The following PRAMEF4 variants were observed in gnomAD, a reference collection of about 807,000 sequenced individuals.
PRAMEF4 encodes the protein PRAME family member 4.
Under a neutral mutation model 34.4 loss-of-function variants are expected in PRAMEF4, and 18 were observed. That is an observed-to-expected ratio of 0.52 (90% CI 0.36 to 0.78). The LOEUF is 0.78. Ranked by LOEUF, PRAMEF4 falls within the 30% of genes least tolerant of loss-of-function variation. The pLI is 0.00. For synonymous variants in PRAMEF4, 156 were observed against 219.3 expected, an observed-to-expected ratio of 0.71 and a Z score of 2.55; for missense variants, 482 against 569.1, an observed-to-expected ratio of 0.85 and a Z score of 1.56.
chr1:12,882,255 C>G lies in PRAMEF4; in HGVS notation c.474G>C (p.Lys158Asn). The G allele has an allele frequency of 6.4e-7, 1 of 1,570,996 alleles. No individual in the cohort carries two copies. The highest frequency in any genetic ancestry group is 8.6e-7 in the Non-Finnish European group (1 of 1,156,790). ...PLTVFVELWL[K>N]NRTLDEYLTC... is the part of the protein sequence containing the mutation. ...TGAGGTATTCATCCAGAGTCCTGTT[C>G]TTGAGCCAAAGTTCTACGAACACAG... The change falls in exon 3 of 4, where the codon AAG becomes AAC. Residue 158 changes from lysine to asparagine, a missense_variant. Physicochemically the swap from Lys to Asn is moderately conservative, Grantham distance 94. Transcript: ENST00000235349.
chr1:12,881,499 A>C (rs2100421157), intron 3 of PRAMEF4, among the ~76,000 whole-genome samples: 1 of 148,684 alleles, frequency 6.7e-6, no homozygotes, highest in Admixed American at 6.9e-5. Flanking sequence ...CCAAAGTGAT[A>C]GGATTACAGG....
At chr1:12,883,521 A>G (rs1162648134) in intron 1 of PRAMEF4, 111 bp from the exon 2 acceptor site, 1 of 1,387,746 alleles carries the variant, frequency 7.2e-7, no homozygotes, top group African/African-American at 1.5e-5. Context: ...AAGAGTCCTC[A>G]GTTTACTCCA....
At position 12,885,137 on chromosome 1, in the gene PRAMEF4, T is replaced by C. The variant is rs568982610; in HGVS notation, c.-17+1010A>G. ...GATCACCTGGGTCATATAATTGTTTTTGGTGCTGAGGGAGCTGAGTCTCAC... is the reference window on the plus strand; with the variant it reads ...GATCACCTGGGTCATATAATTGTTTCTGGTGCTGAGGGAGCTGAGTCTCAC... On this transcript the variant is annotated intron_variant, in intron 1 of 3. Transcript: ENST00000235349. Among the ~76,000 whole-genome samples the C allele has an allele frequency of 3.7e-3, 555 of 150,846 alleles. 5 individuals carry two copies. The highest frequency in any genetic ancestry group is 0.013 in the African/African-American group (530 of 40,976).
chr1:12,885,253 C>T (rs1290931122), intron 1 of PRAMEF4, among the ~76,000 whole-genome samples: 1 of 150,080 alleles, frequency 6.7e-6, no homozygotes, highest in African/African-American at 2.5e-5. Context: ...CTTCAGCCTT[C>T]CACATAGCTG....
Position 12,883,363 on chromosome 1 carries a change from A to C in PRAMEF4, c.32T>G (p.Leu11Arg). The C allele has an allele frequency of 6.2e-7, 1 of 1,600,814 alleles. No individual in the cohort carries two copies. Among genetic ancestry groups the C allele is most frequent in the Non-Finnish European group, 8.5e-7 (1 of 1,173,730 alleles). MKMSIWTPPRLLELAGRSLLR... is the reference protein window; with the variant it reads MKMSIWTPPRRLELAGRSLLR... ...CAGGCTCCGCCCTGCAAGCTCCAGG[A>C]GTCTGGGTGGAGTCCAGATGCTCAT... is the stretch of plus-strand genomic sequence containing the variant. The change falls in exon 2 of 4, where the codon CTC becomes CGC. Residue 11 changes from leucine (L) to arginine (R), a missense_variant. Transcript: ENST00000235349.
At chr1:12,885,844 C>T (rs1400858942) in intron 1 of PRAMEF4, among the ~76,000 whole-genome samples, 1 of 140,402 alleles carries the variant, frequency 7.1e-6, no homozygotes, top group Non-Finnish European at 1.5e-5. Context: ...CCAGGTTGGT[C>T]TCAAATCCCT....
intron 3 of PRAMEF4, among the ~76,000 whole-genome samples, chr1:12,881,265 C>A (rs12130843): frequency 0.11 from 15,940 of 147,714 alleles, 1,556 homozygotes; most frequent in Non-Finnish European, 0.11. Flanking sequence ...ACTCAGGAGG[C>A]TGAGGCAGGA....
chr1:12,881,401 T>G (rs1314426018), intron 3 of PRAMEF4, among the ~76,000 whole-genome samples: 1 of 149,070 alleles, frequency 6.7e-6, no homozygotes, highest in Middle Eastern at 3.2e-3. Context: ...TTTTTACTTT[T>G]GTTTATTCAT....
intron 3 of PRAMEF4, among the ~76,000 whole-genome samples, chr1:12,881,532 A>G (rs1488066535): frequency 6.8e-6 from 1 of 147,426 alleles, no homozygotes; most frequent in Admixed American, 7.0e-5. Context: ...CCCCTGGCGT[A>G]TTTTTCATCA....
chr1:12,879,393 C>G lies in PRAMEF4; in HGVS notation c.*151G>C. ...GGCAACATTTCCCCCAAGTCCGGCC[C>G]CTGCTTGATCAGCTTTCCTTTCCCA... On this transcript the variant is annotated 3_prime_UTR_variant, in exon 4 of 4. Transcript: ENST00000235349. 1 of 666,234 alleles carries G rather than the reference C, an allele frequency of 1.5e-6. No homozygotes were observed. Among genetic ancestry groups the G allele is most frequent in the Non-Finnish European group, 2.5e-6 (1 of 402,926 alleles). The allele number at this position is 666,234 out of a possible 1,614,324, so 41.3% of individuals were successfully genotyped here.
rs533154368 is a variant in PRAMEF4 at position 12,884,742 on chromosome 1, C to A, written c.-16-1332G>T. 2.8e-4 allele frequency among the ~76,000 whole-genome samples: 42 copies of A among 148,964 alleles called. 1 individual carries two copies. The highest frequency in any genetic ancestry group is 1.1e-3 in the South Asian group (5 of 4,616). ...ACAGAGAGAGCTACATTTGACTAGA[C>A]TTCTTAATCTCTACCCAGTTAATCC... On this transcript the variant is annotated intron_variant, in intron 1 of 3. Coordinates refer to ENST00000235349, the MANE Select transcript of PRAMEF4 (RefSeq NM_001009611.4).
intron 3 of PRAMEF4, among the ~76,000 whole-genome samples, chr1:12,881,078 C>G (rs1156363825): frequency 6.7e-6 from 1 of 148,286 alleles, no homozygotes; most frequent in Non-Finnish European, 1.5e-5. Flanking sequence ...TAAAAATTAT[C>G]TTGTTGGCTG....
rs754089525 is a variant in PRAMEF4, at chr1:12,880,087, T to A, written c.894A>T (p.Leu298Phe). Reference sequence around the variant, plus strand: ...CACAGTTAGTTATTGTGAGGAACTTTAACGAGGTCTTCAGACAGCTGGGGA... The same window carrying A: ...CACAGTTAGTTATTGTGAGGAACTTAAACGAGGTCTTCAGACAGCTGGGGA... ...DQLLSCLKTS[L>F]KFLTITNCVL... The change falls in exon 4 of 4, where the codon TTA (leucine) becomes TTT (phenylalanine). Residue 298 changes from leucine (L) to phenylalanine (F), a missense_variant. Physicochemically the swap from Leu to Phe is conservative, Grantham distance 22. Around this residue, in one of 6 missense-constraint regions of PRAMEF4, gnomAD observed 35 missense variants for 109.2 expected, o/e 0.32. Transcript: ENST00000235349. 1.7e-4 allele frequency: 257 copies of A among 1,526,934 alleles called. 45 individuals are homozygous for A. The highest frequency in any genetic ancestry group is 2.1e-4 in the Non-Finnish European group (229 of 1,113,242). 94.6% of individuals were successfully genotyped at this position (1,526,934 alleles called of 1,614,324 possible). A position where few individuals can be genotyped will look rare whatever the true frequency, so the allele number is the denominator to read the frequency against.
At chr1:12,884,415 T>C (rs1358278202) in intron 1 of PRAMEF4, among the ~76,000 whole-genome samples, 1 of 149,750 alleles carries the variant, frequency 6.7e-6, no homozygotes, top group East Asian at 1.9e-4. Flanking sequence ...GTTACACATG[T>C]TCAAACTGAA....
Position 12,883,174 on chromosome 1 carries a change from A to T in PRAMEF4, c.221T>A (p.Met74Lys). Residue 74 changes from methionine to lysine, a missense_variant, in exon 2 of 4, where the codon ATG becomes AAG. Met to Lys is a moderately conservative substitution (Grantham distance 95, BLOSUM62 -1). Transcript: ENST00000235349. ...AGCTTGGAAGGCCTCCAGACAAGGC[A>T]TCTTTATCAGAGGCCTCAGAGGGAG... ...RRLPLRPLIK[M>K]PCLEAFQAVL... 6.2e-7 allele frequency: 1 copy of T among 1,601,122 alleles called. No individual in the cohort carries two copies. The highest frequency in any genetic ancestry group is 1.8e-4 in the Middle Eastern group (1 of 5,552).
At chr1:12,880,782 G>A (rs1287914602) in intron 3 of PRAMEF4, among the ~76,000 whole-genome samples, 11,996 of 140,900 alleles carry the variant, frequency 0.085, 739 homozygotes, top group Non-Finnish European at 0.093. Context: ...CAGCTACGGT[G>A]GGCGGGCTGC....
At chr1:12,885,880 G>A (rs954345473) in intron 1 of PRAMEF4, among the ~76,000 whole-genome samples, 2 of 129,098 alleles carry the variant, frequency 1.5e-5, no homozygotes, top group Non-Finnish European at 3.2e-5. Flanking sequence ...TCCCACTTTG[G>A]CCTCCCGAAG....
Position 12,883,454 on chromosome 1 carries a change from A to T in PRAMEF4, c.-16-44T>A. The T allele has an allele frequency of 3.1e-6, 5 of 1,597,260 alleles. 1 individual carries two copies. The highest frequency in any genetic ancestry group is 4.3e-6 in the Non-Finnish European group (5 of 1,172,662). Reference sequence around the variant, plus strand: ...AGAGAAAAGGCATCTCTCTCGGGCCAAGCCCATGCAATCTCATCCTCTCCT... The same window carrying T: ...AGAGAAAAGGCATCTCTCTCGGGCCTAGCCCATGCAATCTCATCCTCTCCT... On this transcript the variant is annotated intron_variant, in intron 1 of 3. Coordinates refer to ENST00000235349, the MANE Select transcript of PRAMEF4 (RefSeq NM_001009611.4).
chr1:12,886,066 A>G lies in PRAMEF4; in HGVS notation c.-17+81T>C, dbSNP rs796343415. The stretch of plus-strand genomic sequence containing the variant: ...AAAGGACAGGATATAGCTCTGTGCC[A>G]TCGTAGGCTGCACTGTCACCATCCC... On this transcript the variant is annotated intron_variant, in intron 1 of 3. Coordinates refer to ENST00000235349, the MANE Select transcript of PRAMEF4 (RefSeq NM_001009611.4). 3 of 131,620 alleles carry G rather than the reference A, an allele frequency of 2.3e-5. 1 individual carries two copies. Among genetic ancestry groups the G allele is most frequent in the Non-Finnish European group, 4.7e-5 (3 of 63,194 alleles). 8.2% of individuals were successfully genotyped at this position (131,620 alleles called of 1,614,324 possible). A position where few individuals can be genotyped will look rare whatever the true frequency, so the allele number is the denominator to read the frequency against.
Sources: gnomAD v4.1 joint callset for allele counts (sites outside exome capture counted in the v4.1 genomes callset) on GRCh38, gnomAD v4.1.1 for gene constraint, gnomAD v4.1.1 regional missense constraint, MANE v1.5 for transcripts, NCBI Gene and HGNC (gene_info 2026-07-23, HGNC 2026-07-21) for gene names.